TACC2: variants seen among roughly 807,000 people sequenced by gnomAD.
TACC2 encodes transforming acidic coiled-coil containing protein 2, also known as transforming acidic coiled-coil-containing protein 2.
Under a neutral mutation model 227.3 loss-of-function variants are expected in TACC2, and 137 were observed. The observed-to-expected ratio is 0.60, with a 90% CI of 0.52 to 0.69. The LOEUF is 0.69. Ranked by LOEUF, TACC2 falls within the 30% of genes least tolerant of loss-of-function variation. TACC2 has a pLI of 0.00. For missense variants in TACC2, 3,470 were observed against 3,694.4 expected (o/e 0.94, Z 1.57); for synonymous variants, 1,523 against 1,487.5 (o/e 1.02, Z -0.55).
chr10:122,058,663 T>C (rs1293933805), intron 3 of TACC2, among the ~76,000 whole-genome samples: 1 of 152,100 alleles, frequency 6.6e-6, no homozygotes, highest in Non-Finnish European at 1.5e-5. Context: ...TGCCTCGGCC[T>C]CCCAAAGTGC....
At chr10:122,070,766 A>AAG (rs1554993747) in intron 3 of TACC2, among the ~76,000 whole-genome samples, 11 of 151,224 alleles carry the variant, frequency 7.3e-5, no homozygotes, top group African/African-American at 2.7e-4. Context: ...AAAAAAAAAA[A>AAG]AAAAAGAAAT....
intron 5 of TACC2, chr10:122,112,954 G>C (rs1424517937): frequency 6.6e-6 from 1 of 152,040 alleles, no homozygotes; most frequent in Non-Finnish European, 1.5e-5. Flanking sequence ...GCCCCGGGTC[G>C]GAGAGCCCAG....
Position 122,147,293 on chromosome 10 carries a change from C to T in TACC2, c.5834+3587C>T, listed in dbSNP as rs530951032. On this transcript the variant is annotated intron_variant, in intron 7 of 22. Transcript: ENST00000369005. ...CTGAGTAGCTGGGATTACAGGCTCC[C>T]GCCACTACGCCTGGCTAATTTTTGT... 4.2e-4 allele frequency among the ~76,000 whole-genome samples: 64 copies of T among 152,232 alleles called. 1 individual carries two copies. The highest frequency in any genetic ancestry group is 8.3e-4 in the South Asian group (4 of 4,814).
chr10:122,105,492 A>G (rs35131811), intron 5 of TACC2, among the ~76,000 whole-genome samples: 13,752 of 152,112 alleles, frequency 0.09, 801 homozygotes, highest in East Asian at 0.25. Context: ...CCTAATATAC[A>G]TCATAACCTC....
At chr10:121,994,117 A>C (rs947393844) in intron 1 of TACC2, among the ~76,000 whole-genome samples, 2 of 152,158 alleles carry the variant, frequency 1.3e-5, no homozygotes, top group African/African-American at 4.8e-5. Flanking sequence ...GCTACTGATG[A>C]AACTGTAGGT....
intron 5 of TACC2, among the ~76,000 whole-genome samples, chr10:122,112,513 G>C (rs896064854): frequency 6.6e-6 from 1 of 152,182 alleles, no homozygotes; most frequent in East Asian, 1.9e-4. Flanking sequence ...TACCACACAG[G>C]TGAAGAAAAA....
rs138038441 is a variant in TACC2, at chr10:122,172,966, G to A, written c.5835-22074G>A. Among the ~76,000 whole-genome samples the A allele has an allele frequency of 2.3e-3, 354 of 152,290 alleles. 2 individuals are homozygous for A. The highest frequency in any genetic ancestry group is 7.8e-3 in the African/African-American group (322 of 41,546). ...GAAGGCTTGTGACCAGGAGCCTGGG[G>A]CCTAAAGAGGTGTTTCTGGGCAGAG... is the stretch of plus-strand genomic sequence containing the variant. On this transcript the variant is annotated intron_variant, in intron 7 of 22. Transcript: ENST00000369005.
intron 8 of TACC2, among the ~76,000 whole-genome samples, chr10:122,199,704 C>T (rs11812378): frequency 0.01 from 1,575 of 152,284 alleles, 24 homozygotes; most frequent in African/African-American, 0.036. Context: ...TCTGATCACA[C>T]GGCTATCAAC....
chr10:122,103,814 C>T (rs1463971501), intron 5 of TACC2, among the ~76,000 whole-genome samples: 7 of 152,116 alleles, frequency 4.6e-5, no homozygotes, highest in South Asian at 2.1e-4. Context: ...GGATGGAGGA[C>T]GATGAGCACT....
chr10:122,200,581 C>T (rs1252145724), intron 8 of TACC2, among the ~76,000 whole-genome samples: 4 of 145,240 alleles, frequency 2.8e-5, no homozygotes, highest in African/African-American at 8.0e-5. Flanking sequence ...GGGAGGACGG[C>T]CACCTCACCT....
chr10:122,250,803 C>A (rs1332601548), intron 22 of TACC2, among the ~76,000 whole-genome samples: 1 of 152,000 alleles, frequency 6.6e-6, no homozygotes, highest in Non-Finnish European at 1.5e-5. Flanking sequence ...AGATGGATTT[C>A]CCTGAGGTCC....
chr10:122,175,654 CGAA>C (rs2093661787), intron 7 of TACC2, among the ~76,000 whole-genome samples: 2 of 152,148 alleles, frequency 1.3e-5, no homozygotes, highest in African/African-American at 2.4e-5. Context: ...GGAAAGGAAC[CGAA>C]GGTGTAGGGG....
chr10:122,049,043 G>C (rs555340959), intron 2 of TACC2, among the ~76,000 whole-genome samples: 10 of 152,212 alleles, frequency 6.6e-5, no homozygotes, highest in Non-Finnish European at 1.2e-4. Flanking sequence ...ACTTGTCAAA[G>C]GTGTTTGACC....
intron 5 of TACC2, among the ~76,000 whole-genome samples, chr10:122,122,103 C>A (rs551720837): frequency 9.2e-5 from 14 of 152,226 alleles, no homozygotes; most frequent in Admixed American, 3.3e-4. Context: ...CGCCTGTAAT[C>A]CCAGCACTCT....
At chr10:121,997,961 A>C (rs1271608849) in intron 1 of TACC2, among the ~76,000 whole-genome samples, 2 of 152,094 alleles carry the variant, frequency 1.3e-5, no homozygotes, top group East Asian at 3.9e-4. Flanking sequence ...CACGAAGACC[A>C]AGACTTCAGG....
chr10:122,083,749 C>T lies in TACC2; in HGVS notation c.1249C>T (p.His417Tyr). The change falls in exon 4 of 23, where the codon CAT (histidine) becomes TAT (tyrosine). Residue 417 changes from histidine (H) to tyrosine (Y), a missense_variant. By Grantham distance (83) the His-to-Tyr change is moderately conservative (BLOSUM62 2). Coordinates refer to ENST00000369005, the MANE Select transcript of TACC2 (RefSeq NM_206862.4). ...CCTGCTCACTCCGACTGAGGAAGCA[C>T]ATCCAGCTTCAAGCCTCGCTTCATT... The part of the protein sequence containing the change: ...PSLLTPTEEA[H>Y]PASSLASFPA... 6.2e-7 allele frequency: 1 copy of T among 1,614,092 alleles called. No homozygotes were observed. The highest frequency in any genetic ancestry group is 8.5e-7 in the Non-Finnish European group (1 of 1,180,014).
At chr10:122,064,293 T>A (rs141593752) in intron 3 of TACC2, among the ~76,000 whole-genome samples, 4 of 152,262 alleles carry the variant, frequency 2.6e-5, no homozygotes, top group African/African-American at 9.6e-5. Context: ...ACAAAAGAGT[T>A]CCCATGCACA....
intron 5 of TACC2, among the ~76,000 whole-genome samples, chr10:122,091,873 G>A (rs1016721063): frequency 6.6e-6 from 1 of 152,182 alleles, no homozygotes; most frequent in African/African-American, 2.4e-5. Context: ...TCAGGGACAG[G>A]TCTCTGAATT....
chr10:121,999,296 A>G (rs1296336616), intron 1 of TACC2, among the ~76,000 whole-genome samples: 1 of 151,854 alleles, frequency 6.6e-6, no homozygotes, highest in Non-Finnish European at 1.5e-5. Flanking sequence ...TTGAGGAGAC[A>G]TAATTTTGCA....
Sources: allele counts gnomAD v4.1 joint callset (sites outside exome capture counted in the v4.1 genomes callset), GRCh38; gene constraint gnomAD v4.1.1; transcripts MANE v1.5; gene names NCBI Gene and HGNC (gene_info 2026-07-23, HGNC 2026-07-21).